MAP3K5: variants seen among roughly 807,000 people sequenced by gnomAD.
MAP3K5 encodes the protein mitogen-activated protein kinase kinase kinase 5, also known as ASK-1.
MAP3K5 carries 56 observed loss-of-function variants against 158.7 expected under a neutral mutation model. That is an observed-to-expected ratio of 0.35 (90% confidence interval 0.28 to 0.44). MAP3K5 has a LOEUF of 0.44. Ranked by LOEUF, MAP3K5 falls within the 20% of genes least tolerant of loss-of-function variation. MAP3K5 has a pLI of 1.00. For synonymous variants in MAP3K5, 579 were observed against 601.7 expected, an observed-to-expected ratio of 0.96 and a Z score of 0.55; for missense variants, 1,294 against 1,674.8, an observed-to-expected ratio of 0.77 and a Z score of 3.97.
chr6:136,690,320 T>A (rs1227154315), intron 7 of MAP3K5, among the ~76,000 whole-genome samples: 2 of 152,192 alleles, frequency 1.3e-5, no homozygotes, highest in Non-Finnish European at 2.9e-5. Flanking sequence ...TTTAAAGTTT[T>A]TTTTTATGTT....
At position 136,670,481 on chromosome 6, in the gene MAP3K5, C is replaced by CA. The variant is rs11353889; in HGVS notation, c.1254-1087dup. On this transcript the variant is annotated intron_variant, in intron 7 of 29. Coordinates refer to ENST00000359015, the MANE Select transcript of MAP3K5 (RefSeq NM_005923.4). ...CTAACAAATGACCATTTGATGACAC[C>CA]AAAAAAAAAGGTTATGTGGGAAGAA... Among the ~76,000 whole-genome samples, 338 of 149,384 alleles carry CA rather than the reference C, an allele frequency of 2.3e-3. 7 individuals are homozygous for CA. In the East Asian group the frequency reaches 0.03, roughly 13 times the overall value.
chr6:136,701,136 A>G (rs1338208861), intron 3 of MAP3K5, among the ~76,000 whole-genome samples: 1 of 152,178 alleles, frequency 6.6e-6, no homozygotes, highest in Non-Finnish European at 1.5e-5. Flanking sequence ...TTGGCACTCC[A>G]GCCCAGGGAC....
chr6:136,689,283 G>C (rs866628460), intron 7 of MAP3K5, among the ~76,000 whole-genome samples: 74 of 152,324 alleles, frequency 4.9e-4, no homozygotes, highest in Middle Eastern at 6.8e-3. Flanking sequence ...CTAGACAACA[G>C]AGCAAGACAC....
chr6:136,648,253 A>G (rs1778359507), intron 11 of MAP3K5, among the ~76,000 whole-genome samples: 1 of 152,234 alleles, frequency 6.6e-6, no homozygotes, highest in African/African-American at 2.4e-5. Flanking sequence ...AAAAGAATCA[A>G]GCTTCTGACT....
intron 15 of MAP3K5, among the ~76,000 whole-genome samples, chr6:136,616,046 C>T (rs1334826080): frequency 3.3e-5 from 5 of 151,946 alleles, no homozygotes; most frequent in African/African-American, 4.8e-5. Flanking sequence ...TATTTTAGAT[C>T]GATTATTCTT....
intron 1 of MAP3K5, among the ~76,000 whole-genome samples, chr6:136,789,399 A>T (rs1784976403): frequency 6.6e-6 from 1 of 152,194 alleles, no homozygotes; most frequent in Non-Finnish European, 1.5e-5. Flanking sequence ...TTTCATGCTG[A>T]CTGAGAGGGC....
At chr6:136,634,453 G>A (rs1777518974) in intron 14 of MAP3K5, among the ~76,000 whole-genome samples, 1 of 152,064 alleles carries the variant, frequency 6.6e-6, no homozygotes, top group African/African-American at 2.4e-5. Context: ...AAGCCGGTCT[G>A]CTTGAATTCT....
At chr6:136,739,164 T>C (rs1782606213) in intron 1 of MAP3K5, among the ~76,000 whole-genome samples, 2 of 152,090 alleles carry the variant, frequency 1.3e-5, no homozygotes, top group Admixed American at 6.5e-5. Flanking sequence ...CTGAAGGAGA[T>C]ATAGAAATAA....
At chr6:136,669,949 G>C (rs555782060) in intron 7 of MAP3K5, among the ~76,000 whole-genome samples, 1 of 149,612 alleles carries the variant, frequency 6.7e-6, no homozygotes, top group Non-Finnish European at 1.5e-5. Flanking sequence ...TGAGAACCCC[G>C]CACATATTTT....
chr6:136,679,683 AT>A (rs897768852), intron 7 of MAP3K5, among the ~76,000 whole-genome samples: 1 of 151,822 alleles, frequency 6.6e-6, no homozygotes, highest in Non-Finnish European at 1.5e-5. Context: ...CCACGCACAT[AT>A]TTTTTTTCCA....
In MAP3K5 at chr6:136,557,818, CCT is replaced by C. The variant is rs1830317714; in HGVS notation, c.4065-2_4065-1del. ...TCCACAGTGTGCACAGCATCCCTCCCCTGTTTAAAGACACAAGAACATGGTGA... is the reference window on the plus strand; with the variant it reads ...TCCACAGTGTGCACAGCATCCCTCCCGTTTAAAGACACAAGAACATGGTGA... On this transcript the variant is annotated splice_acceptor_variant, in intron 29 of 29. Transcript: ENST00000359015. LOFTEE classifies it high-confidence loss of function. 10 of 1,606,760 alleles carry C rather than the reference CCT, an allele frequency of 6.2e-6. No individual in the cohort carries two copies. Among genetic ancestry groups the C allele is most frequent in the Non-Finnish European group, 7.7e-6 (9 of 1,173,312 alleles).
At chr6:136,737,029 A>ATATATATATATATATATATATATATG (rs1782493196) in intron 1 of MAP3K5, among the ~76,000 whole-genome samples, 1 of 120,594 alleles carries the variant, frequency 8.3e-6, no homozygotes, top group African/African-American at 3.2e-5. Context: ...ACATATATAT[A>ATATATATATATATATATATATATATG]TGTGTGTGTA....
chr6:136,594,547 TCTTGGCTTGACTGAGTAGCTG>T (rs1775538466), intron 21 of MAP3K5, among the ~76,000 whole-genome samples: 1 of 152,152 alleles, frequency 6.6e-6, no homozygotes, highest in Non-Finnish European at 1.5e-5. Flanking sequence ...GAAGAAGAGC[TCTTGGCTTGACTGAGTAGCTG>T]ATCTCTTTAC....
chr6:136,777,305 T>C (rs1434173537), intron 1 of MAP3K5, among the ~76,000 whole-genome samples: 1 of 152,234 alleles, frequency 6.6e-6, no homozygotes, highest in Non-Finnish European at 1.5e-5. Flanking sequence ...ATTCAAATTC[T>C]ATGTATACAG....
chr6:136,770,119 TTTA>T (rs1784138285), intron 1 of MAP3K5, among the ~76,000 whole-genome samples: 1 of 152,058 alleles, frequency 6.6e-6, no homozygotes, highest in African/African-American at 2.4e-5. Context: ...GGCCTCCCTT[TTTA>T]TTTTTATTTA....
chr6:136,567,300 G>A (rs1190302062), intron 26 of MAP3K5, among the ~76,000 whole-genome samples: 1 of 152,092 alleles, frequency 6.6e-6, no homozygotes, highest in East Asian at 1.9e-4. Flanking sequence ...TGAGCTTTCT[G>A]TTCTTTTCAG....
chr6:136,727,387 A>C (rs948346413), intron 1 of MAP3K5, among the ~76,000 whole-genome samples: 1 of 152,210 alleles, frequency 6.6e-6, no homozygotes, highest in African/African-American at 2.4e-5. Flanking sequence ...GAAGCAGAGA[A>C]TGTATCTGCC....
chr6:136,743,277 C>G (rs1470019516), intron 1 of MAP3K5, among the ~76,000 whole-genome samples: 1 of 152,046 alleles, frequency 6.6e-6, no homozygotes, highest in South Asian at 2.1e-4. Flanking sequence ...GGTGAAACCC[C>G]GTGTCTACTA....
intron 14 of MAP3K5, among the ~76,000 whole-genome samples, chr6:136,625,299 C>T (rs1776981923): frequency 6.6e-6 from 1 of 152,086 alleles, no homozygotes; most frequent in Admixed American, 6.6e-5. Context: ...CTTTATTTAC[C>T]AAGATTAAGA....
Sources: allele counts gnomAD v4.1 joint callset (sites outside exome capture counted in the v4.1 genomes callset), GRCh38; gene constraint gnomAD v4.1.1; transcripts MANE v1.5; gene names NCBI Gene and HGNC (gene_info 2026-07-23, HGNC 2026-07-21).